The following GSE1 variants were observed in gnomAD, a reference collection of about 807,000 sequenced individuals.
The protein encoded by GSE1 is Gse1 coiled-coil protein, also known as genetic suppressor element 1.
In GSE1, 32 loss-of-function variants were observed where a neutral mutation model predicts 112.6. That is an observed-to-expected ratio of 0.28 (90% CI 0.21 to 0.38). GSE1 has a LOEUF of 0.38. Ranked by LOEUF, GSE1 falls within the 10% of genes least tolerant of loss-of-function variation. The probability of loss-of-function intolerance (pLI) is 1.00; values close to 1 mark genes in which losing one functional copy is unlikely to be tolerated. For synonymous variants in GSE1, 1,115 were observed against 735.6 expected (o/e 1.52, Z -8.35); for missense variants, 2,348 against 1,699.2 (o/e 1.38, Z -6.71).
chr16:85,650,025 C>G (rs536474635), intron 3 of GSE1, among the ~76,000 whole-genome samples: 15 of 152,312 alleles, frequency 9.8e-5, no homozygotes, highest in Admixed American at 8.5e-4. Context: ...TCCTTTCACG[C>G]CTTCCCTGGC....
chr16:85,288,443 T>C (rs1597298385), intron 1 of GSE1, among the ~76,000 whole-genome samples: 1 of 152,146 alleles, frequency 6.6e-6, no homozygotes, highest in South Asian at 2.1e-4. Context: ...GTGCAGTTAA[T>C]TGGAAGCAGA....
intron 2 of GSE1, among the ~76,000 whole-genome samples, chr16:85,384,807 C>T (rs781665179): frequency 1.1e-4 from 17 of 152,154 alleles, no homozygotes; most frequent in South Asian, 2.1e-4. Flanking sequence ...GGTCCTCCAG[C>T]GCCAGGATCC....
intron 1 of GSE1, among the ~76,000 whole-genome samples, chr16:85,572,527 C>G (rs561237714): frequency 1.4e-3 from 209 of 152,162 alleles, no homozygotes; most frequent in African/African-American, 4.2e-3. Flanking sequence ...ACACACCGCA[C>G]ACACATACAC....
chr16:85,490,303 A>C (rs1272003866), intron 2 of GSE1: 2 of 152,372 alleles, frequency 1.3e-5, no homozygotes, highest in East Asian at 3.9e-4. Context: ...GCCTTCACGG[A>C]TGCCAGGAGC....
intron 1 of GSE1, among the ~76,000 whole-genome samples, chr16:85,572,149 A>G (rs1046018796): frequency 2.0e-5 from 3 of 149,040 alleles, no homozygotes; most frequent in African/African-American, 7.5e-5. Context: ...CACACACAAC[A>G]CACCACACAC....
intron 1 of GSE1, among the ~76,000 whole-genome samples, chr16:85,558,600 G>C (rs773865639): frequency 1.3e-5 from 2 of 152,134 alleles, no homozygotes; most frequent in Non-Finnish European, 2.9e-5. Context: ...CTTTTGTCCT[G>C]ACCCCCAGGG....
At position 85,331,697 on chromosome 16, in the gene GSE1, A is replaced by T; in HGVS notation, c.2284-25766A>T. Among the ~76,000 whole-genome samples, 3 of 88,638 alleles carry T rather than the reference A, an allele frequency of 3.4e-5. 1 individual carries two copies. The highest frequency in any genetic ancestry group is 1.3e-4 in the African/African-American group (3 of 22,684). The allele number at this position is 88,638 out of a possible 152,430, so 58.1% of individuals were successfully genotyped here. A position where few individuals can be genotyped will look rare whatever the true frequency, so the allele number is the denominator to read the frequency against. On this transcript the variant is annotated intron_variant, in intron 1 of 2. Coordinates refer to the GSE1 transcript ENST00000637419. ...TGTGTGTGTGTGTGTATATATATAT[A>T]TATATATATATTTTTTTTTTTTTTT...
chr16:85,332,488 G>C (rs7196227), intron 1 of GSE1, among the ~76,000 whole-genome samples: 25,299 of 152,066 alleles, frequency 0.17, 2,179 homozygotes, highest in East Asian at 0.25. Context: ...CTTCCCCAAG[G>C]TCACACAGCG....
chr16:85,385,238 G>A (rs1443199355), intron 2 of GSE1, among the ~76,000 whole-genome samples: 1 of 152,248 alleles, frequency 6.6e-6, no homozygotes, highest in East Asian at 1.9e-4. Flanking sequence ...GTCCGGGGCA[G>A]GAGGCTGGGA....
chr16:85,488,815 C>T (rs2050920530), intron 2 of GSE1, among the ~76,000 whole-genome samples: 1 of 151,948 alleles, frequency 6.6e-6, no homozygotes, highest in South Asian at 2.1e-4. Context: ...GTCTGGGGAC[C>T]GGGGGGATCA....
intron 1 of GSE1, among the ~76,000 whole-genome samples, chr16:85,284,774 A>G (rs1460967380): frequency 6.6e-6 from 1 of 152,142 alleles, no homozygotes; most frequent in East Asian, 1.9e-4. Context: ...GCTGGCACAC[A>G]CAGCTCACCT....
chr16:85,544,397 G>T (rs967474009), intron 2 of GSE1, among the ~76,000 whole-genome samples: 2 of 152,182 alleles, frequency 1.3e-5, no homozygotes, highest in Non-Finnish European at 2.9e-5. Context: ...GGCATGACCC[G>T]CTGGAGGGCA....
exon 1 of GSE1, chr16:85,171,074 C>G: frequency 1.0e-6 from 1 of 985,794 alleles, no homozygotes; most frequent in Non-Finnish European, 1.2e-6. Context: ...AGCCTCCTGC[C>G]CTGCCCGCCC....
chr16:85,188,272 C>A (rs558771018), intron 1 of GSE1, among the ~76,000 whole-genome samples: 11 of 152,056 alleles, frequency 7.2e-5, no homozygotes, highest in Middle Eastern at 3.4e-3. Context: ...GCCTGACCGT[C>A]TGTCTGCGGG....
chr16:85,390,435 C>T (rs1004259545), intron 2 of GSE1, among the ~76,000 whole-genome samples: 23 of 152,106 alleles, frequency 1.5e-4, no homozygotes, highest in African/African-American at 5.6e-4. Context: ...GGCAGCTAGT[C>T]CCCTTTGAGC....
intron 1 of GSE1, among the ~76,000 whole-genome samples, chr16:85,310,732 A>G (rs1326989964): frequency 1.3e-5 from 2 of 151,172 alleles, no homozygotes; most frequent in Non-Finnish European, 2.9e-5. Flanking sequence ...AGGGGAGCGC[A>G]CCCAGTCAAG....
In GSE1 at chr16:85,311,022, G is replaced by A. The variant is rs564806289; in HGVS notation, c.2284-46441G>A. Among the ~76,000 whole-genome samples, 3 of 152,324 alleles carry A rather than the reference G, an allele frequency of 2.0e-5. No homozygotes were observed. In the South Asian group the frequency reaches 6.2e-4, roughly 32 times the overall value. On this transcript the variant is annotated intron_variant, in intron 1 of 2. Transcript: ENST00000637419. This position sits in a 1 kb window ranked among gnomAD's most constrained non-coding sequence, Gnocchi z 4.2. The stretch of plus-strand genomic sequence containing the variant: ...TTTGAGGCTAAATATAAACCCAGCC[G>A]CCTTTCCGCGGCCGTCAGCAATGGC...
Position 85,656,369 on chromosome 16 carries a change from G to C in GSE1, c.1016G>C (p.Arg339Pro), listed in dbSNP as rs199544488. Residue 339 changes from arginine to proline, a missense_variant, in exon 7 of 16, where the codon CGG becomes CCG. Physicochemically the swap from Arg to Pro is moderately radical, Grantham distance 103. Transcript: ENST00000253458. ...ERLQMDEELR[R>P]ERERERERER... ...CTGCAGATGGACGAGGAGCTAAGGC[G>C]GGAGAGGGAGCGCGAGCGCGAGCGC... 4 of 1,609,870 alleles carry C rather than the reference G, an allele frequency of 2.5e-6. No individual in the cohort carries two copies. The highest frequency in any genetic ancestry group is 3.3e-5 in the Admixed American group (2 of 59,782).
intron 1 of GSE1, among the ~76,000 whole-genome samples, chr16:85,180,938 C>G (rs2074570625): frequency 6.6e-6 from 1 of 152,194 alleles, no homozygotes. Context: ...TAAATGTGTG[C>G]CAGGGTGCTG....
Sources: gnomAD v4.1 joint callset for allele counts (sites outside exome capture counted in the v4.1 genomes callset) on GRCh38, gnomAD v4.1.1 for gene constraint, Gnocchi (gnomAD v3.1) non-coding constraint, MANE v1.5 for transcripts, NCBI Gene and HGNC (gene_info 2026-07-23, HGNC 2026-07-21) for gene names.